ELP3: variants seen among roughly 807,000 people sequenced by gnomAD.
The protein encoded by ELP3 is elongator acetyltransferase complex subunit 3, also known as elongator complex protein 3.
Under a neutral mutation model 74.9 loss-of-function variants are expected in ELP3, and 56 were observed. The ratio of observed to expected loss-of-function variants is 0.75; its 90% confidence interval spans 0.60 to 0.93. ELP3 has a LOEUF of 0.93. Ranked by LOEUF, ELP3 falls within the 40% of genes least tolerant of loss-of-function variation. ELP3 has a pLI of 0.00. For synonymous variants in ELP3, 222 were observed against 239.8 expected, an observed-to-expected ratio of 0.93 and a Z score of 0.68; for missense variants, 573 against 686.5, an observed-to-expected ratio of 0.83 and a Z score of 1.85.
At chr8:28,113,206 A>C (rs377589530) in intron 7 of ELP3, 33 bp downstream of exon 7, 292 of 1,588,920 alleles carry the variant, frequency 1.8e-4, no homozygotes, top group Non-Finnish European at 2.4e-4. Context: ...TAGTCTCCAG[A>C]GTGGTTGTCA....
At chr8:28,153,727 A>G (rs967863592) in intron 10 of ELP3, among the ~76,000 whole-genome samples, 1 of 152,190 alleles carries the variant, frequency 6.6e-6, no homozygotes, top group Admixed American at 6.5e-5. Context: ...CTCTGAGTCC[A>G]TTCTACAAAG....
intron 9 of ELP3, among the ~76,000 whole-genome samples, chr8:28,135,550 A>G (rs2130474942): frequency 6.6e-6 from 1 of 152,256 alleles, no homozygotes. Context: ...CTTGGTCTTC[A>G]TCTAGACCTT....
intron 14 of ELP3, among the ~76,000 whole-genome samples, chr8:28,177,337 T>C (rs1306533226): frequency 1.3e-5 from 2 of 152,204 alleles, no homozygotes; most frequent in Admixed American, 6.5e-5. Flanking sequence ...TTGATATCAG[T>C]GTACATTGTT....
rs1195021196 is a variant in ELP3 at position 28,158,648 on chromosome 8, G to A, written c.1257+15G>A. 11 of 1,603,814 alleles carry A rather than the reference G, an allele frequency of 6.9e-6. No homozygotes were observed. Among genetic ancestry groups the A allele is most frequent in the Non-Finnish European group, 9.4e-6 (11 of 1,171,872 alleles). On this transcript the variant is annotated intron_variant, in intron 12 of 14. Coordinates refer to ENST00000256398, the MANE Select transcript of ELP3 (RefSeq NM_018091.6). ...GGCCATACCAGGTTAGTCTCTTCAT[G>A]TCATAGAGGGCCTAGGTACTGTCCT...
chr8:28,160,430 C>T lies in ELP3; in HGVS notation c.1459C>T (p.Arg487Trp), dbSNP rs139093061. The T allele has an allele frequency of 7.2e-4, 1,155 of 1,613,856 alleles. 2 individuals are homozygous for T. Among genetic ancestry groups the T allele is most frequent in the Middle Eastern group, 1.7e-3 (10 of 6,060 alleles). The stretch of plus-strand genomic sequence containing the variant: ...TGGGAGTGTGGTCCCTGTGAGCAGC[C>T]GGGATCCTACTAAATTTCAGCATCA... Reference protein sequence around the residue: ...VYGSVVPVSSRDPTKFQHQGF... With the variant: ...VYGSVVPVSSWDPTKFQHQGF... Residue 487 changes from arginine (R) to tryptophan (W), a missense_variant, in exon 13 of 15, where the codon CGG becomes TGG. Physicochemically the swap from Arg to Trp is moderately radical, Grantham distance 101 (BLOSUM62 -3). Transcript: ENST00000256398.
At position 28,147,629 on chromosome 8, in the gene ELP3, GTC is replaced by G. The variant is rs1052198566; in HGVS notation, c.1101-8305_1101-8304del. On this transcript the variant is annotated intron_variant, in intron 10 of 14. Coordinates refer to ENST00000256398, the MANE Select transcript of ELP3 (RefSeq NM_018091.6). The surrounding 1 kb of genome is among the most constrained non-coding windows in gnomAD (Gnocchi z 4.5). ...TGTATGTTTATATATATAAATATAT[GTC>G]TCTCTCTGTGTGTGTATGTGTGTAT... Among the ~76,000 whole-genome samples, 5 of 152,072 alleles carry G rather than the reference GTC, an allele frequency of 3.3e-5. No homozygotes were observed. The highest frequency in any genetic ancestry group is 1.2e-4 in the African/African-American group (5 of 41,402).
upstream of ELP3, among the ~76,000 whole-genome samples, chr8:28,091,238 T>C (rs930627636): frequency 6.6e-6 from 1 of 152,122 alleles, no homozygotes; most frequent in African/African-American, 2.4e-5. Flanking sequence ...TAAGAGTCGG[T>C]TCTGTGCTCT....
chr8:28,127,508 A>G (rs1420043466), intron 7 of ELP3, among the ~76,000 whole-genome samples: 2 of 151,890 alleles, frequency 1.3e-5, no homozygotes, highest in Non-Finnish European at 2.9e-5. Context: ...CAACCTTTGT[A>G]TGGTGTGCTT....
At chr8:28,171,059 A>G (rs1814504222) in intron 14 of ELP3, among the ~76,000 whole-genome samples, 1 of 152,180 alleles carries the variant, frequency 6.6e-6, no homozygotes, top group Admixed American at 6.5e-5. Flanking sequence ...CATTACATGT[A>G]TATACCACAT....
rs150763497 is a variant in ELP3 at position 28,182,475 on chromosome 8, C to T, written c.1568-7174C>T. 1.6e-3 allele frequency among the ~76,000 whole-genome samples: 251 copies of T among 152,276 alleles called. 2 individuals are homozygous for T. Among genetic ancestry groups the T allele is most frequent in the African/African-American group, 5.8e-3 (241 of 41,542 alleles). On this transcript the variant is annotated intron_variant, in intron 14 of 14. Transcript: ENST00000256398. ...ACTCTGGAGGCTGAGGCAGGAGAAT[C>T]GTTTGAAGCTGGGCGGCAGAGGTTG...
At chr8:28,106,499 C>T (rs936200991) in intron 3 of ELP3, among the ~76,000 whole-genome samples, 4 of 144,758 alleles carry the variant, frequency 2.8e-5, no homozygotes, top group Admixed American at 7.0e-5. Flanking sequence ...GAGATCCCGC[C>T]ACTGCACTCC....
intron 11 of ELP3, among the ~76,000 whole-genome samples, chr8:28,157,601 C>T (rs1325578681): frequency 6.6e-6 from 1 of 152,028 alleles, no homozygotes; most frequent in Admixed American, 6.5e-5. Flanking sequence ...TATAGCAGTC[C>T]TTCATAAAAA....
chr8:28,137,744 A>G lies in ELP3; in HGVS notation c.953A>G (p.Tyr318Cys), dbSNP rs755409568. ...TTTCGTCCCGATGGGCTGAAACTCTATCCTACCCTGGTGATTCGTGGGACC... is the reference window on the plus strand; with the variant it reads ...TTTCGTCCCGATGGGCTGAAACTCTGTCCTACCCTGGTGATTCGTGGGACC... ...PAFRPDGLKL[Y>C]PTLVIRGTGL... Residue 318 changes from tyrosine (Y) to cysteine (C), a missense_variant, in exon 10 of 15, where the codon TAT becomes TGT. Physicochemically the swap from Tyr to Cys is radical, Grantham distance 194. Transcript: ENST00000256398. The G allele has an allele frequency of 6.2e-7, 1 of 1,613,940 alleles. No homozygotes were observed. Among genetic ancestry groups the G allele is most frequent in the Non-Finnish European group, 8.5e-7 (1 of 1,179,986 alleles).
At chr8:28,111,468 C>A (rs1281799507) in intron 6 of ELP3, among the ~76,000 whole-genome samples, 2 of 152,080 alleles carry the variant, frequency 1.3e-5, no homozygotes, top group African/African-American at 4.8e-5. Context: ...TGGTACATAA[C>A]CATAGTGGAT....
chr8:28,100,875 C>T (rs901354608), intron 3 of ELP3, among the ~76,000 whole-genome samples: 1 of 152,126 alleles, frequency 6.6e-6, no homozygotes, highest in Non-Finnish European at 1.5e-5. Context: ...AATTAAGACC[C>T]TCCTACCATA....
intron 3 of ELP3, among the ~76,000 whole-genome samples, chr8:28,103,168 TCAAAAAAACAAA>T (rs974365483): frequency 2.0e-5 from 3 of 148,294 alleles, no homozygotes; most frequent in Non-Finnish European, 4.5e-5. Context: ...AGATTCTGTC[TCAAAAAAACAAA>T]CAAACAAACA....
intron 1 of ELP3, 43 bp downstream of exon 1, chr8:28,093,276 G>A (rs1811116818): frequency 1.2e-6 from 2 of 1,610,230 alleles, no homozygotes; most frequent in South Asian, 1.1e-5. Flanking sequence ...TGGTCCGAAA[G>A]GGGCGAACGC....
chr8:28,094,489 C>T (rs1811173419), intron 1 of ELP3, among the ~76,000 whole-genome samples: 1 of 152,118 alleles, frequency 6.6e-6, no homozygotes, highest in African/African-American at 2.4e-5. Flanking sequence ...GAGGCCAAGG[C>T]GGGTGGATCA....
chr8:28,102,915 A>G (rs879267782), intron 3 of ELP3, among the ~76,000 whole-genome samples: 1 of 152,222 alleles, frequency 6.6e-6, no homozygotes, highest in Non-Finnish European at 1.5e-5. Context: ...TATGCCTGTA[A>G]TCCTAGCACT....
Sources: allele counts gnomAD v4.1 joint callset (sites outside exome capture counted in the v4.1 genomes callset), GRCh38; gene constraint gnomAD v4.1.1; non-coding constraint Gnocchi (gnomAD v3.1); transcripts MANE v1.5; gene names NCBI Gene and HGNC (gene_info 2026-07-23, HGNC 2026-07-21).